The following SH2D4B variants were observed in gnomAD, a reference collection of about 807,000 sequenced individuals.
The protein encoded by SH2D4B is SH2 domain-containing protein 4B.
In SH2D4B, 45 loss-of-function variants were observed where a neutral mutation model predicts 61.5. That is an observed-to-expected ratio of 0.73 (90% CI 0.58 to 0.94). The LOEUF (loss-of-function observed/expected upper bound fraction) is 0.94, where lower values mean the gene tolerates loss of function less well. Ranked by LOEUF, SH2D4B falls within the 40% of genes least tolerant of loss-of-function variation. The pLI, the probability that SH2D4B is intolerant of heterozygous loss-of-function variation, is 0.00. For missense variants in SH2D4B, 572 were observed against 574.2 expected (o/e 1.00, Z 0.04); for synonymous variants, 224 against 220.4 (o/e 1.02, Z -0.14).
At chr10:80,578,078 G>A (rs1193803968) in intron 3 of SH2D4B, among the ~76,000 whole-genome samples, 4 of 151,288 alleles carry the variant, frequency 2.6e-5, no homozygotes, top group African/African-American at 4.9e-5. Context: ...TCTAGCCATC[G>A]TCCCACTTCA....
rs149775267 is a variant in SH2D4B, at chr10:80,540,003, T to C, written c.184+1488T>C. Among the ~76,000 whole-genome samples, 672 of 152,244 alleles carry C rather than the reference T, an allele frequency of 4.4e-3. 5 individuals are homozygous for C. Among genetic ancestry groups the C allele is most frequent in the African/African-American group, 0.015 (640 of 41,546 alleles). On this transcript the variant is annotated intron_variant, in intron 1 of 7. Coordinates refer to ENST00000646907, the MANE Select transcript of SH2D4B (RefSeq NM_001388272.1). ...ACCCGGCCTGAGCCCTGGGGACTCA[T>C]GATGCCTGCATGATGACTCTTCTTG... is the stretch of plus-strand genomic sequence containing the variant.
At chr10:80,540,273 C>T (rs1003241452) in intron 1 of SH2D4B, among the ~76,000 whole-genome samples, 6 of 152,180 alleles carry the variant, frequency 3.9e-5, no homozygotes, top group Admixed American at 3.3e-4. Context: ...TGCTTCGGTC[C>T]TGCCTTTTGG....
intron 1 of SH2D4B, chr10:80,540,933 G>A: frequency 6.5e-7 from 1 of 1,537,120 alleles, no homozygotes; most frequent in East Asian, 2.4e-5. Flanking sequence ...TCCAGATGCT[G>A]GTGAGACCCC....
chr10:80,577,689 G>A (rs1233044395), intron 3 of SH2D4B, among the ~76,000 whole-genome samples: 2 of 151,796 alleles, frequency 1.3e-5, no homozygotes, highest in African/African-American at 4.8e-5. Flanking sequence ...GCCTCCCAAA[G>A]CGCCGGGATT....
Position 80,603,673 on chromosome 10 carries a change from G to A in SH2D4B, c.738G>A (p.Lys246=), listed in dbSNP as rs1842481166. The change falls in exon 5 of 8, where the codon AAG becomes AAA. Residue 246 remains lysine, a synonymous_variant. Coordinates refer to ENST00000646907, the MANE Select transcript of SH2D4B (RefSeq NM_001388272.1). The part of the protein sequence containing the change: ...YRHHSLRAIQ[K]GTVAGLSSMF... The stretch of plus-strand genomic sequence containing the variant: ...ACCACTCGCTCCGTGCTATCCAGAA[G>A]GGCACGGTCGCTGGCCTCAGCTCCA... 3 of 1,610,510 alleles carry A rather than the reference G, an allele frequency of 1.9e-6. No homozygotes were observed. The highest frequency in any genetic ancestry group is 2.2e-5 in the South Asian group (2 of 90,194).
chr10:80,639,976 A>C (rs1473869764), intron 7 of SH2D4B, among the ~76,000 whole-genome samples: 1 of 152,198 alleles, frequency 6.6e-6, no homozygotes, highest in Non-Finnish European at 1.5e-5. Flanking sequence ...CTTTTAGGGC[A>C]GGCCTGGTGG....
chr10:80,572,982 A>ATTT (rs1247462135), intron 3 of SH2D4B, among the ~76,000 whole-genome samples: 1 of 9,258 alleles, frequency 1.1e-4, no homozygotes, highest in Non-Finnish European at 1.8e-4. Context: ...ATATATATAT[A>ATTT]TATATTTTTT....
chr10:80,627,487 C>G (rs564193278), intron 6 of SH2D4B, among the ~76,000 whole-genome samples: 273 of 152,150 alleles, frequency 1.8e-3, no homozygotes, highest in African/African-American at 6.3e-3. Context: ...GCCTTGCCCC[C>G]TCTTGTCCCT....
chr10:80,605,165 CTT>C (rs34324568), intron 5 of SH2D4B, among the ~76,000 whole-genome samples: 1 of 149,426 alleles, frequency 6.7e-6, no homozygotes. Flanking sequence ...TATTCCTCCT[CTT>C]TTTTTTTTGT....
intron 6 of SH2D4B, among the ~76,000 whole-genome samples, chr10:80,628,346 T>C (rs540134037): frequency 7.2e-5 from 11 of 152,290 alleles, no homozygotes; most frequent in Admixed American, 2.0e-4. Flanking sequence ...GTTGGTATTA[T>C]AAGGGGGAGG....
At chr10:80,561,674 C>A (rs368293518) in intron 1 of SH2D4B, among the ~76,000 whole-genome samples, 1 of 151,980 alleles carries the variant, frequency 6.6e-6, no homozygotes, top group Non-Finnish European at 1.5e-5. Context: ...ACTAAGGTAC[C>A]CTGATCAAAA....
intron 1 of SH2D4B, among the ~76,000 whole-genome samples, chr10:80,545,691 A>T (rs1458609361): frequency 6.6e-6 from 1 of 152,146 alleles, no homozygotes; most frequent in Non-Finnish European, 1.5e-5. Context: ...GGTCTGGGGC[A>T]GAGATGGGGT....
At chr10:80,586,125 G>C (rs974606850) in intron 3 of SH2D4B, among the ~76,000 whole-genome samples, 1 of 152,146 alleles carries the variant, frequency 6.6e-6, no homozygotes, top group Non-Finnish European at 1.5e-5. Context: ...GGCAGGGCTC[G>C]GGACCTGCAG....
intron 3 of SH2D4B, among the ~76,000 whole-genome samples, chr10:80,577,893 C>T (rs1366479322): frequency 2.6e-5 from 4 of 152,150 alleles, no homozygotes; most frequent in African/African-American, 9.7e-5. Context: ...TAATTTGTTA[C>T]TCAGCAGTAG....
chr10:80,635,769 GAGGGAGGCATCTTTTT>G (rs1225693155), intron 7 of SH2D4B, among the ~76,000 whole-genome samples: 1 of 152,122 alleles, frequency 6.6e-6, no homozygotes, highest in East Asian at 1.9e-4. Context: ...ATAGATCTGT[GAGGGAGGCATCTTTTT>G]ATTTATTTAT....
At chr10:80,629,708 T>C (rs1842808744) in intron 6 of SH2D4B, among the ~76,000 whole-genome samples, 1 of 152,238 alleles carries the variant, frequency 6.6e-6, no homozygotes, top group Non-Finnish European at 1.5e-5. Flanking sequence ...AGATATTTAT[T>C]GTGATTTTTA....
In SH2D4B at chr10:80,539,288, T is replaced by G. The variant is rs142887059; in HGVS notation, c.184+773T>G. ...CACAGGACTCAATCCTGCCAGGGATTGTAGTTTCTGTGGATGCTGCATGCA... is the reference window on the plus strand; with the variant it reads ...CACAGGACTCAATCCTGCCAGGGATGGTAGTTTCTGTGGATGCTGCATGCA... On this transcript the variant is annotated intron_variant, in intron 1 of 7. Coordinates refer to ENST00000646907, the MANE Select transcript of SH2D4B (RefSeq NM_001388272.1). The surrounding 1 kb of genome is among the most constrained non-coding windows in gnomAD (Gnocchi z 4.9). 8.4e-3 allele frequency among the ~76,000 whole-genome samples: 1,279 copies of G among 152,318 alleles called. 9 individuals carry two copies. The highest frequency in any genetic ancestry group is 0.027 in the African/African-American group (1,140 of 41,584).
intron 1 of SH2D4B, among the ~76,000 whole-genome samples, chr10:80,545,560 CCTCTT>C (rs1841665852): frequency 6.8e-6 from 1 of 146,260 alleles, no homozygotes; most frequent in Admixed American, 6.6e-5. Context: ...TACTCCCTCT[CCTCTT>C]GCTCCATGTA....
At chr10:80,605,089 G>A (rs1278108309) in intron 5 of SH2D4B, among the ~76,000 whole-genome samples, 1 of 152,090 alleles carries the variant, frequency 6.6e-6, no homozygotes. Context: ...CACTGCGTCC[G>A]GCTCTGTTCT....
Sources: allele counts gnomAD v4.1 joint callset (sites outside exome capture counted in the v4.1 genomes callset), GRCh38; gene constraint gnomAD v4.1.1; non-coding constraint Gnocchi (gnomAD v3.1); transcripts MANE v1.5; gene names NCBI Gene and HGNC (gene_info 2026-07-23, HGNC 2026-07-21).